PRKAG2: variants seen among roughly 807,000 people sequenced by gnomAD.
PRKAG2 encodes protein kinase AMP-activated non-catalytic subunit gamma 2.
PRKAG2 carries 26 observed loss-of-function variants against 69.6 expected under a neutral mutation model. The ratio of observed to expected loss-of-function variants is 0.37; its 90% CI spans 0.27 to 0.52. PRKAG2 has a LOEUF of 0.52. Ranked by LOEUF, PRKAG2 falls within the 20% of genes least tolerant of loss-of-function variation. The probability of loss-of-function intolerance (pLI) is 0.90; values close to 1 mark genes in which losing one functional copy is unlikely to be tolerated. For missense variants in PRKAG2, 557 were observed against 740.0 expected, an observed-to-expected ratio of 0.75 and a Z score of 2.87; for synonymous variants, 293 against 285.0, an observed-to-expected ratio of 1.03 and a Z score of -0.28.
intron 3 of PRKAG2, among the ~76,000 whole-genome samples, chr7:151,772,110 A>T (rs925268410): frequency 1.3e-5 from 2 of 152,358 alleles, no homozygotes; most frequent in East Asian, 3.9e-4. Context: ...GTGGGGAATC[A>T]GTAGTGTAGA....
At chr7:151,591,695 G>A (rs1813180010) in intron 6 of PRKAG2, among the ~76,000 whole-genome samples, 2 of 152,100 alleles carry the variant, frequency 1.3e-5, no homozygotes, top group African/African-American at 2.4e-5. Flanking sequence ...CCCAGGGCAC[G>A]ATCAGGCATG....
intron 1 of PRKAG2, chr7:151,809,391 C>G (rs2078298845): frequency 2.7e-6 from 1 of 376,302 alleles, no homozygotes; most frequent in South Asian, 1.9e-5. Context: ...GTGGTGGCCG[C>G]TCCACCTGGC....
chr7:151,867,972 C>A (rs1306005785), intron 1 of PRKAG2, among the ~76,000 whole-genome samples: 1 of 152,210 alleles, frequency 6.6e-6, no homozygotes, highest in African/African-American at 2.4e-5. Flanking sequence ...CTGCAGGGCA[C>A]CCCCCTCCAG....
chr7:151,694,550 T>A (rs1836268763), intron 3 of PRKAG2, among the ~76,000 whole-genome samples: 1 of 152,232 alleles, frequency 6.6e-6, no homozygotes, highest in Admixed American at 6.5e-5. Flanking sequence ...TGGCAGTGTC[T>A]GTCCCTTCAT....
At chr7:151,584,091 TCCAGGC>T (rs1191296376) in intron 6 of PRKAG2, among the ~76,000 whole-genome samples, 1 of 152,212 alleles carries the variant, frequency 6.6e-6, no homozygotes, top group Non-Finnish European at 1.5e-5. Flanking sequence ...CTCTTCTCCG[TCCAGGC>T]CCAGGCCTCC....
intron 1 of PRKAG2, among the ~76,000 whole-genome samples, chr7:151,842,735 G>A (rs1193221119): frequency 6.6e-6 from 1 of 151,152 alleles, no homozygotes; most frequent in Non-Finnish European, 1.5e-5. Context: ...GGTTGTGATA[G>A]TAGTGATGGT....
chr7:151,875,377 C>T (rs1199351083), intron 1 of PRKAG2, among the ~76,000 whole-genome samples: 1 of 152,200 alleles, frequency 6.6e-6, no homozygotes, highest in African/African-American at 2.4e-5. Flanking sequence ...AAGGGTGGCT[C>T]AGCAAACACG....
At chr7:151,609,726 G>A in intron 5 of PRKAG2, among the ~76,000 whole-genome samples, 1 of 152,042 alleles carries the variant, frequency 6.6e-6, no homozygotes, top group East Asian at 1.9e-4. Context: ...TGGAACTCTT[G>A]TTTAGTCTAG....
chr7:151,588,730 T>C (rs1812300548), intron 6 of PRKAG2, among the ~76,000 whole-genome samples: 1 of 111,550 alleles, frequency 9.0e-6, no homozygotes, highest in African/African-American at 3.5e-5. Flanking sequence ...ATATAAGACA[T>C]GACTTGCTTC....
At chr7:151,566,008 C>T in intron 11 of PRKAG2, 123 bp from the exon 12 acceptor site, 1 of 1,069,266 alleles carries the variant, frequency 9.4e-7, no homozygotes, top group South Asian at 1.3e-5. Context: ...AACAGTCTAC[C>T]TGGATGCCTG....
chr7:151,625,826 C>T (rs1822729503), intron 5 of PRKAG2, among the ~76,000 whole-genome samples: 1 of 152,176 alleles, frequency 6.6e-6, no homozygotes, highest in Non-Finnish European at 1.5e-5. Context: ...TCAGGGGAAT[C>T]TGAGCCGTGG....
chr7:151,678,991 A>C (rs1015014937), intron 3 of PRKAG2, among the ~76,000 whole-genome samples: 5 of 151,956 alleles, frequency 3.3e-5, no homozygotes, highest in Non-Finnish European at 7.4e-5. Context: ...AGAAAAGTAG[A>C]ATATTTTCCC....
intron 5 of PRKAG2, among the ~76,000 whole-genome samples, chr7:151,603,052 T>C (rs1816512311): frequency 6.6e-6 from 1 of 152,112 alleles, no homozygotes; most frequent in Non-Finnish European, 1.5e-5. Flanking sequence ...TTCTCAGTCT[T>C]TGGGTTACAC....
In PRKAG2 at chr7:151,777,587, G is replaced by A. The variant is rs2076442767; in HGVS notation, c.466+3565C>T. ...CCGGCTTTCCTTCGCCTTCCTCCAT[G>A]AGTGGAAGCAGCCTGAAGCCCTTGC... On this transcript the variant is annotated intron_variant, in intron 3 of 15. Coordinates refer to ENST00000287878, the MANE Select transcript of PRKAG2 (RefSeq NM_016203.4). This position sits in a 1 kb window ranked among gnomAD's most constrained non-coding sequence, Gnocchi z 4.3. Among the ~76,000 whole-genome samples the A allele has an allele frequency of 6.6e-6, 1 of 152,152 alleles. No homozygotes were observed. Among genetic ancestry groups the A allele is most frequent in the African/African-American group, 2.4e-5 (1 of 41,426 alleles).
At chr7:151,557,356 C>T (rs542021138) in intron 15 of PRKAG2, 124 bp from the exon 16 acceptor site, 209 of 1,604,518 alleles carry the variant, frequency 1.3e-4, no homozygotes, top group African/African-American at 6.3e-4. Context: ...CGGAGGAGGG[C>T]GATGTGGGAA....
chr7:151,616,083 A>C (rs757636463), intron 5 of PRKAG2, among the ~76,000 whole-genome samples: 1 of 152,178 alleles, frequency 6.6e-6, no homozygotes, highest in Non-Finnish European at 1.5e-5. Context: ...AAATTTTGCC[A>C]CTGGTCAGAG....
intron 1 of PRKAG2, among the ~76,000 whole-genome samples, chr7:151,841,423 T>C (rs994593427): frequency 7.0e-6 from 1 of 143,606 alleles, no homozygotes; most frequent in African/African-American, 2.5e-5. Context: ...TGATGGTAGG[T>C]AGGGATGGTA....
chr7:151,720,192 G>A (rs1445414144), intron 3 of PRKAG2, among the ~76,000 whole-genome samples: 2 of 152,176 alleles, frequency 1.3e-5, no homozygotes, highest in Non-Finnish European at 2.9e-5. Context: ...TCCAGTGGCT[G>A]CAGACAGCCG....
intron 3 of PRKAG2, among the ~76,000 whole-genome samples, chr7:151,712,175 C>G (rs1445713057): frequency 6.6e-6 from 1 of 152,264 alleles, no homozygotes; most frequent in African/African-American, 2.4e-5. Flanking sequence ...GGCCCCCACC[C>G]TCACGTGCCC....
Sources: gnomAD v4.1 joint callset for allele counts (sites outside exome capture counted in the v4.1 genomes callset) on GRCh38, gnomAD v4.1.1 for gene constraint, Gnocchi (gnomAD v3.1) non-coding constraint, MANE v1.5 for transcripts, NCBI Gene and HGNC (gene_info 2026-07-23, HGNC 2026-07-21) for gene names.